SOX5: variants seen among roughly 807,000 people sequenced by gnomAD.
SOX5 encodes the protein SRY-box transcription factor 5.
A neutral mutation model predicts 92.0 loss-of-function variants in SOX5; 9 were observed. The observed-to-expected ratio is 0.10, with a 90% CI of 0.06 to 0.17. SOX5 has a LOEUF of 0.17. SOX5 is among the 10% of genes least tolerant of loss of function. The pLI is 1.00. For synonymous variants in SOX5, 344 were observed against 336.3 expected (o/e 1.02, Z -0.25); for missense variants, 642 against 944.5 (o/e 0.68, Z 4.20).
At chr12:23,824,141 T>A (rs748033887) in intron 3 of SOX5, among the ~76,000 whole-genome samples, 14 of 152,222 alleles carry the variant, frequency 9.2e-5, no homozygotes, top group Non-Finnish European at 1.5e-4. Flanking sequence ...TCATTCTCCA[T>A]CCAGTTTTGT....
intron 1 of SOX5, among the ~76,000 whole-genome samples, chr12:24,398,408 G>A (rs771755300): frequency 2.0e-5 from 3 of 152,142 alleles, no homozygotes; most frequent in Admixed American, 6.5e-5. Flanking sequence ...AGAGGCTGAG[G>A]TGGGAAGATC....
At chr12:24,249,980 T>C (rs529213842) in intron 3 of SOX5, among the ~76,000 whole-genome samples, 10 of 152,312 alleles carry the variant, frequency 6.6e-5, no homozygotes, top group African/African-American at 2.4e-4. Flanking sequence ...CTTTGAAAGA[T>C]AGGGAAGCAG....
rs369867716 is a variant in SOX5 at position 23,573,151 on chromosome 12, T to C, written c.1342+2510A>G. Among the ~76,000 whole-genome samples, 44 of 152,318 alleles carry C rather than the reference T, an allele frequency of 2.9e-4. No individual in the cohort carries two copies. In the South Asian group the frequency reaches 5.6e-3, roughly 19 times the overall value. On this transcript the variant is annotated intron_variant, in intron 10 of 14. Coordinates refer to ENST00000451604, the MANE Select transcript of SOX5 (RefSeq NM_006940.6). The stretch of plus-strand genomic sequence containing the variant: ...TTTTGCACTTTTTCATATCTATACA[T>C]GTCTCTAACTCTTCTTCCTCTCCCC...
chr12:24,350,221 T>C (rs1595835197), intron 2 of SOX5, among the ~76,000 whole-genome samples: 1 of 152,348 alleles, frequency 6.6e-6, no homozygotes, highest in African/African-American at 2.4e-5. Flanking sequence ...TGTAGAAACC[T>C]TAGAACTTAG....
At chr12:23,637,913 G>T (rs16926495) in intron 8 of SOX5, 45,484 of 152,102 alleles carry the variant, frequency 0.3, 6,995 homozygotes, top group African/African-American at 0.35. Flanking sequence ...CAGGCTGAGA[G>T]GAGGACTGCG....
At chr12:23,789,914 G>T (rs1463526379) in intron 3 of SOX5, among the ~76,000 whole-genome samples, 1 of 152,116 alleles carries the variant, frequency 6.6e-6, no homozygotes, top group East Asian at 1.9e-4. Flanking sequence ...TCAGGAAAAT[G>T]TAACACTCCA....
chr12:24,130,039 T>C (rs919880307), intron 4 of SOX5, among the ~76,000 whole-genome samples: 4 of 152,080 alleles, frequency 2.6e-5, no homozygotes, highest in Non-Finnish European at 4.4e-5. Flanking sequence ...ATTGCATGTA[T>C]CTGGAAAGAT....
chr12:24,251,369 C>T (rs1190234011), intron 3 of SOX5, among the ~76,000 whole-genome samples: 1 of 152,184 alleles, frequency 6.6e-6, no homozygotes, highest in African/African-American at 2.4e-5. Context: ...GAAGTTCCTT[C>T]ATTCCCTCCA....
In SOX5 at chr12:24,198,406, G is replaced by T. The variant is rs151249939; in HGVS notation, c.-2+14937C>A. The stretch of plus-strand genomic sequence containing the variant: ...CAACTTAAACATTTTATTTCGAGTT[G>T]TTTATCTGGATCTCTCTATTGAGCT... On this transcript the variant is annotated intron_variant, in intron 4 of 4. Coordinates refer to the SOX5 transcript ENST00000446891. 4.8e-3 allele frequency among the ~76,000 whole-genome samples: 735 copies of T among 152,276 alleles called. 4 individuals are homozygous for T. The highest frequency in any genetic ancestry group is 0.014 in the Middle Eastern group (4 of 294).
upstream of SOX5, among the ~76,000 whole-genome samples, chr12:23,950,634 A>G (rs1371638780): frequency 6.6e-6 from 1 of 152,232 alleles, no homozygotes; most frequent in Non-Finnish European, 1.5e-5. Context: ...GGAGGTCAGG[A>G]GTAGGAAGCG....
chr12:24,409,292 T>G (rs897647013), intron 1 of SOX5, among the ~76,000 whole-genome samples: 2 of 151,848 alleles, frequency 1.3e-5, no homozygotes, highest in African/African-American at 4.8e-5. Flanking sequence ...TGAGAACACA[T>G]GGACACAGAG....
At chr12:24,035,987 T>G (rs1955993585) in intron 4 of SOX5, among the ~76,000 whole-genome samples, 4 of 152,080 alleles carry the variant, frequency 2.6e-5, no homozygotes, top group Admixed American at 2.6e-4. Context: ...TTGTAAGGTG[T>G]GTGGGTGTTT....
chr12:24,221,805 G>C (rs995740701), intron 3 of SOX5, among the ~76,000 whole-genome samples: 14 of 152,192 alleles, frequency 9.2e-5, no homozygotes, highest in Non-Finnish European at 1.8e-4. Flanking sequence ...ATTTTAAGCA[G>C]GGTGACTAGA....
chr12:24,109,038 A>G (rs1419791360), intron 4 of SOX5, among the ~76,000 whole-genome samples: 1 of 152,172 alleles, frequency 6.6e-6, no homozygotes, highest in Non-Finnish European at 1.5e-5. Context: ...TGTTCTGAAT[A>G]GTAGCATATT....
At chr12:24,325,029 A>G (rs1378024528) in intron 2 of SOX5, among the ~76,000 whole-genome samples, 2 of 152,184 alleles carry the variant, frequency 1.3e-5, no homozygotes, top group Admixed American at 6.5e-5. Context: ...GAATTTGGAT[A>G]TATTGCTTTC....
At position 23,989,389 on chromosome 12, in the gene SOX5, T is replaced by TATCAATCA. The variant is rs3031090; in HGVS notation, c.-1-93373_-1-93366dup. Among the ~76,000 whole-genome samples, 334 of 151,196 alleles carry TATCAATCA rather than the reference T, an allele frequency of 2.2e-3. 3 individuals are homozygous for TATCAATCA. The highest frequency in any genetic ancestry group is 6.1e-4 in the East Asian group (3 of 4,954). ...CCTGGGTGACAAGAGTGAGACCTCA[T>TATCAATCA]ATCAATCAATCAATCAATCAATCAG... On this transcript the variant is annotated intron_variant, in intron 4 of 4. Transcript: ENST00000446891.
intron 4 of SOX5, among the ~76,000 whole-genome samples, chr12:24,038,804 T>C (rs1050374602): frequency 1.3e-5 from 2 of 152,198 alleles, no homozygotes; most frequent in Non-Finnish European, 2.9e-5. Flanking sequence ...CCGAGTCTTC[T>C]GCACTGCAAT....
chr12:24,336,768 GAGA>G (rs1456956895), intron 2 of SOX5, among the ~76,000 whole-genome samples: 1 of 152,168 alleles, frequency 6.6e-6, no homozygotes, highest in South Asian at 2.1e-4. Flanking sequence ...ATCTGAGAGG[GAGA>G]AGATGAGAGG....
chr12:23,842,912 T>A (rs2096535274), intron 3 of SOX5, among the ~76,000 whole-genome samples: 1 of 152,108 alleles, frequency 6.6e-6, no homozygotes, highest in Non-Finnish European at 1.5e-5. Flanking sequence ...CAGTATGGTG[T>A]AGAAAGGGGA....
Sources: allele counts gnomAD v4.1 joint callset (sites outside exome capture counted in the v4.1 genomes callset), GRCh38; gene constraint gnomAD v4.1.1; transcripts MANE v1.5; gene names NCBI Gene and HGNC (gene_info 2026-07-23, HGNC 2026-07-21).